SCN11A: variants seen among roughly 807,000 people sequenced by gnomAD.
The protein encoded by SCN11A is sodium voltage-gated channel alpha subunit 11.
In SCN11A, 122 loss-of-function variants were observed where a neutral mutation model predicts 162.2. The ratio of observed to expected loss-of-function variants is 0.75; its 90% CI spans 0.65 to 0.87. SCN11A has a LOEUF of 0.87. Among genes scored for constraint, SCN11A ranks in the 40% least tolerant of loss-of-function variants. The pLI, the probability that SCN11A is intolerant of heterozygous loss-of-function variation, is 0.00. For synonymous variants in SCN11A, 758 were observed against 751.5 expected (o/e 1.01, Z -0.14); for missense variants, 2,015 against 2,181.6 (o/e 0.92, Z 1.52).
At chr3:39,009,793 C>G (rs1186355026) in intron 2 of SCN11A, among the ~76,000 whole-genome samples, 1 of 150,488 alleles carries the variant, frequency 6.6e-6, no homozygotes, top group Non-Finnish European at 1.5e-5. Flanking sequence ...CCTCCCACCT[C>G]AGTCTCCTGA....
intron 2 of SCN11A, among the ~76,000 whole-genome samples, chr3:38,993,880 G>C (rs780537278): frequency 6.6e-6 from 1 of 152,116 alleles, no homozygotes; most frequent in Non-Finnish European, 1.5e-5. Context: ...AACACCACTG[G>C]GGGCAAGTTC....
intron 1 of SCN11A, among the ~76,000 whole-genome samples, chr3:39,051,455 T>C (rs1005045231): frequency 2.6e-5 from 4 of 152,176 alleles, no homozygotes; most frequent in East Asian, 1.9e-4. Flanking sequence ...AAGGACATGA[T>C]CTCGTTCTTT....
chr3:38,967,829 G>A (rs542218517), intron 2 of SCN11A, among the ~76,000 whole-genome samples: 1 of 152,320 alleles, frequency 6.6e-6, no homozygotes, highest in East Asian at 1.9e-4. Flanking sequence ...ATTCAGCAAA[G>A]GCATCAACGC....
At chr3:38,994,052 C>A (rs2030535280) in intron 2 of SCN11A, among the ~76,000 whole-genome samples, 1 of 152,176 alleles carries the variant, frequency 6.6e-6, no homozygotes, top group Non-Finnish European at 1.5e-5. Context: ...CCTTTCCCTG[C>A]CTCATTCTCC....
chr3:39,031,625 C>T (rs2125611649), intron 2 of SCN11A, among the ~76,000 whole-genome samples: 1 of 151,984 alleles, frequency 6.6e-6, no homozygotes, highest in South Asian at 2.1e-4. Context: ...AAATAGTACA[C>T]AACTTTGAAC....
rs2066663571 is a variant in SCN11A, at chr3:38,954,973, G to A, written c.-138-1214C>T. Among the ~76,000 whole-genome samples, 6 of 152,042 alleles carry A rather than the reference G, an allele frequency of 3.9e-5. No homozygotes were observed. In the South Asian group the frequency reaches 1.2e-3, roughly 31 times the overall value. On this transcript the variant is annotated intron_variant, in intron 3 of 29. Transcript: ENST00000302328. ...ACTGCCCTCCAGCCTGGGTAACCCA[G>A]CCAGACTCTGTCTCAAAAAAAGAAA...
At chr3:38,969,885 A>G (rs1018636195) in intron 2 of SCN11A, among the ~76,000 whole-genome samples, 1 of 152,242 alleles carries the variant, frequency 6.6e-6, no homozygotes, top group Non-Finnish European at 1.5e-5. Context: ...TCTAAAATTG[A>G]GAACACAAAC....
In SCN11A at chr3:38,847,097, C is replaced by A; in HGVS notation, c.4973G>T (p.Arg1658Leu). Reference sequence around the variant, plus strand: ...TTGATATTTATTTGGCTTTGCGACACGCAAAGGCTCAGGCAAGGCATCAGC... The same window carrying A: ...TTGATATTTATTTGGCTTTGCGACAAGCAAAGGCTCAGGCAAGGCATCAGC... ...DFADALPEPLRVAKPNKYQFL... is the reference protein window; with the variant it reads ...DFADALPEPLLVAKPNKYQFL... The change falls in exon 30 of 30, where the codon CGT (arginine) becomes CTT (leucine). Residue 1658 changes from arginine to leucine, a missense_variant. Coordinates refer to ENST00000302328, the MANE Select transcript of SCN11A (RefSeq NM_001349253.2). 6.8e-6 allele frequency: 11 copies of A among 1,614,152 alleles called. No individual in the cohort carries two copies. The highest frequency in any genetic ancestry group is 8.5e-6 in the Non-Finnish European group (10 of 1,180,036).
At chr3:38,989,333 G>A (rs1399240129) in intron 2 of SCN11A, among the ~76,000 whole-genome samples, 1 of 152,274 alleles carries the variant, frequency 6.6e-6, no homozygotes, top group East Asian at 1.9e-4. Flanking sequence ...ACATCATGGA[G>A]CAGAAACCCG....
At position 38,886,133 on chromosome 3, in the gene SCN11A, G is replaced by T; in HGVS notation, c.2941C>A (p.Pro981Thr). Reference sequence around the variant, plus strand: ...CATCCTAGGAAAATTACCTTTCGGGGATCCTGTATGGTCAGATGAGGCTCA... The same window carrying T: ...CATCCTAGGAAAATTACCTTTCGGGTATCCTGTATGGTCAGATGAGGCTCA... ...EDEPHLTIQD[P>T]RKKSDVTSIL... is the part of the protein sequence containing the mutation. The change falls in exon 20 of 30, where the codon CCC (proline) becomes ACC (threonine). Residue 981 changes from proline (P) to threonine (T), a missense_variant. Coordinates refer to ENST00000302328, the MANE Select transcript of SCN11A (RefSeq NM_001349253.2). 1 of 1,607,178 alleles carries T rather than the reference G, an allele frequency of 6.2e-7. No individual in the cohort carries two copies. The highest frequency in any genetic ancestry group is 8.5e-7 in the Non-Finnish European group (1 of 1,174,852).
chr3:38,985,426 G>A (rs955523259), intron 2 of SCN11A, among the ~76,000 whole-genome samples: 23 of 150,728 alleles, frequency 1.5e-4, no homozygotes, highest in African/African-American at 5.2e-4. Context: ...CACCGCACCC[G>A]GCCTGCTGGC....
rs566471795 is a variant in SCN11A at position 38,921,117 on chromosome 3, A to G, written c.851T>C (p.Ile284Thr). The G allele has an allele frequency of 6.2e-7, 1 of 1,614,074 alleles. No individual in the cohort carries two copies. The highest frequency in any genetic ancestry group is 1.3e-5 in the African/African-American group (1 of 75,030). ...LFMGSLNLKC[I>T]SRDCKNISNP... ...ACTGATATTTTTACAGTCCCTCGAG[A>G]TGCATTTCAGGTTCAGACTTCCCAT... Residue 284 changes from isoleucine (I) to threonine (T), a missense_variant, in exon 10 of 30, where the codon ATC becomes ACC. Physicochemically the swap from Ile to Thr is moderately conservative, Grantham distance 89. Coordinates refer to ENST00000302328, the MANE Select transcript of SCN11A (RefSeq NM_001349253.2).
chr3:38,913,295 T>C (rs2065911766), intron 11 of SCN11A, among the ~76,000 whole-genome samples: 1 of 152,182 alleles, frequency 6.6e-6, no homozygotes, highest in African/African-American at 2.4e-5. Context: ...AAAAAAAAAG[T>C]CTATTCATGT....
At chr3:38,997,053 C>G (rs1289833115) in intron 2 of SCN11A, among the ~76,000 whole-genome samples, 1 of 152,072 alleles carries the variant, frequency 6.6e-6, no homozygotes, top group Non-Finnish European at 1.5e-5. Flanking sequence ...ACCCTTGCCC[C>G]CTCTAATCTA....
chr3:38,895,058 C>G (rs1559514200), intron 18 of SCN11A, 94 bp from the exon 19 acceptor site: 3 of 1,169,132 alleles, frequency 2.6e-6, no homozygotes, highest in East Asian at 5.0e-5. Context: ...AGACTAAAAA[C>G]AGAATCAAAT....
intron 7 of SCN11A, among the ~76,000 whole-genome samples, chr3:38,929,495 T>A (rs1429842496): frequency 6.6e-6 from 1 of 152,238 alleles, no homozygotes; most frequent in African/African-American, 2.4e-5. Context: ...TGTGCAGCAC[T>A]GTGAATGCAC....
chr3:39,031,935 A>G (rs1208802163), intron 2 of SCN11A, among the ~76,000 whole-genome samples: 2 of 152,160 alleles, frequency 1.3e-5, no homozygotes, highest in South Asian at 4.1e-4. Flanking sequence ...CAACTGATAG[A>G]TATATTTTAC....
intron 2 of SCN11A, among the ~76,000 whole-genome samples, chr3:39,031,248 A>T (rs1425866909): frequency 6.6e-6 from 1 of 152,196 alleles, no homozygotes; most frequent in African/African-American, 2.4e-5. Flanking sequence ...TTGGCCAGGC[A>T]CGGTGGCTCT....
chr3:38,999,367 A>G (rs2030741387), intron 2 of SCN11A, among the ~76,000 whole-genome samples: 1 of 152,238 alleles, frequency 6.6e-6, no homozygotes. Flanking sequence ...TATGGCATCC[A>G]TCATTTCTCA....
Sources: allele counts gnomAD v4.1 joint callset (sites outside exome capture counted in the v4.1 genomes callset), GRCh38; gene constraint gnomAD v4.1.1; transcripts MANE v1.5; gene names NCBI Gene and HGNC (gene_info 2026-07-23, HGNC 2026-07-21).